Variants in CDH13 observed in about 807,000 individuals in gnomAD.
The protein encoded by CDH13 is cadherin-13.
In CDH13, 24 loss-of-function variants were observed where a neutral mutation model predicts 63.8. The observed-to-expected ratio is 0.38, with a 90% CI of 0.27 to 0.53. CDH13 has a LOEUF of 0.53. CDH13 is among the 20% of genes least tolerant of loss of function. The pLI, the probability that CDH13 is intolerant of heterozygous loss-of-function variation, is 0.85. For missense variants in CDH13, 1,049 were observed against 903.1 expected (o/e 1.16, Z -2.07); for synonymous variants, 503 against 355.3 (o/e 1.42, Z -4.67).
intron 6 of CDH13, among the ~76,000 whole-genome samples, chr16:83,478,143 G>A (rs553053140): frequency 6.7e-6 from 1 of 149,056 alleles, no homozygotes; most frequent in East Asian, 2.0e-4. Flanking sequence ...CTGGGCAACA[G>A]AGCAAGACTC....
chr16:83,062,540 G>A (rs563948333), intron 3 of CDH13, among the ~76,000 whole-genome samples: 2 of 152,322 alleles, frequency 1.3e-5, no homozygotes, highest in Admixed American at 1.3e-4. Flanking sequence ...CAGAGTGACA[G>A]AGGATGGAAG....
chr16:82,886,856 C>T (rs918660), intron 2 of CDH13, among the ~76,000 whole-genome samples: 112,164 of 152,050 alleles, frequency 0.74, 41,713 homozygotes, highest in East Asian at 0.89. Flanking sequence ...ATTTTATCTC[C>T]GTGATGTTTT....
intron 3 of CDH13, among the ~76,000 whole-genome samples, chr16:83,102,671 G>T (rs1447031348): frequency 6.6e-6 from 1 of 152,270 alleles, no homozygotes. Context: ...TGAGGAAGAG[G>T]ATGTAGAGGT....
At position 83,794,626 on chromosome 16, in the gene CDH13, C is replaced by CATATATATAT. The variant is rs34550866; in HGVS notation, c.2135-389_2135-380dup. ...CTGTGACTTGTGATCCTTAAGTCAA[C>CATATATATAT]ATATATATATATATATAGTCACAGG... On this transcript the variant is annotated intron_variant, in intron 13 of 13. Transcript: ENST00000567109. Among the ~76,000 whole-genome samples the CATATATATAT allele has an allele frequency of 4.3e-3, 635 of 149,170 alleles. 4 individuals are homozygous for CATATATATAT. The highest frequency in any genetic ancestry group is 3.6e-3 in the Non-Finnish European group (244 of 67,240).
chr16:82,731,940 G>C (rs1436756074), intron 1 of CDH13, among the ~76,000 whole-genome samples: 1 of 152,084 alleles, frequency 6.6e-6, no homozygotes, highest in Non-Finnish European at 1.5e-5. Context: ...CCAGGCCTTT[G>C]AGTGGTTCCT....
At chr16:83,292,603 A>G (rs183425906) in intron 5 of CDH13, among the ~76,000 whole-genome samples, 16 of 152,244 alleles carry the variant, frequency 1.1e-4, no homozygotes, top group Admixed American at 3.3e-4. Flanking sequence ...CCTCTCCCAG[A>G]TGAGGCCCAT....
rs940737654 is a variant in CDH13 at position 83,172,084 on chromosome 16, G to A, written c.484-45261G>A. On this transcript the variant is annotated intron_variant, in intron 4 of 13. Transcript: ENST00000567109. ...TACTTGGACATAGGATCTTTACAGA[G>A]GTAATCATGTTAAACTGAGGTCATT... Among the ~76,000 whole-genome samples the A allele has an allele frequency of 6.2e-4, 94 of 152,056 alleles. 1 individual carries two copies. The highest frequency in any genetic ancestry group is 7.2e-5 in the African/African-American group (3 of 41,428).
chr16:83,783,403 T>G lies in CDH13; in HGVS notation c.2065T>G (p.Cys689Gly). 1 of 1,614,002 alleles carries G rather than the reference T, an allele frequency of 6.2e-7. No individual in the cohort carries two copies. The highest frequency in any genetic ancestry group is 2.2e-5 in the East Asian group (1 of 44,872). Residue 689 changes from cysteine to glycine, a missense_variant, in exon 13 of 14, where the codon TGC (cysteine) becomes GGC (glycine). Physicochemically the swap from Cys to Gly is radical, Grantham distance 159. Coordinates refer to ENST00000567109, the MANE Select transcript of CDH13 (RefSeq NM_001257.5). ...VCSCRNSKVD[C>G]NAAGALRFSL... ...CTCCTGCAGGAATTCCAAAGTGGACTGCAACGCGGCAGGGGCCCTGCGCTT... is the reference window on the plus strand; with the variant it reads ...CTCCTGCAGGAATTCCAAAGTGGACGGCAACGCGGCAGGGGCCCTGCGCTT...
At chr16:83,016,633 C>G (rs937503247) in intron 2 of CDH13, among the ~76,000 whole-genome samples, 5 of 152,118 alleles carry the variant, frequency 3.3e-5, no homozygotes, top group African/African-American at 1.2e-4. Flanking sequence ...TGTGCATTCC[C>G]TTTAGGAAGG....
intron 10 of CDH13, among the ~76,000 whole-genome samples, chr16:83,700,490 C>G (rs142390047): frequency 6.6e-6 from 1 of 152,218 alleles, no homozygotes; most frequent in African/African-American, 2.4e-5. Context: ...GTGCCAGGCA[C>G]TGTTGTTAGG....
At chr16:83,580,210 G>C (rs1042721484) in intron 7 of CDH13, among the ~76,000 whole-genome samples, 1 of 152,116 alleles carries the variant, frequency 6.6e-6, no homozygotes, top group Non-Finnish European at 1.5e-5. Flanking sequence ...TTGGCATTGA[G>C]TGTCAGCAAG....
At chr16:83,318,085 C>T (rs1194754149) in intron 5 of CDH13, among the ~76,000 whole-genome samples, 1 of 152,140 alleles carries the variant, frequency 6.6e-6, no homozygotes, top group Non-Finnish European at 1.5e-5. Context: ...TGATACCTAT[C>T]CCATAGAGTA....
At chr16:83,767,362 C>G (rs555247621) in intron 11 of CDH13, among the ~76,000 whole-genome samples, 113 of 152,250 alleles carry the variant, frequency 7.4e-4, no homozygotes, top group African/African-American at 2.6e-3. Flanking sequence ...GAATAAGTCT[C>G]AAGAGATCTG....
intron 1 of CDH13, among the ~76,000 whole-genome samples, chr16:82,686,660 C>A (rs771511814): frequency 6.6e-6 from 1 of 152,182 alleles, no homozygotes; most frequent in African/African-American, 2.4e-5. Context: ...TTATGATTCC[C>A]GGAGATAACG....
rs1179593024 is a variant in CDH13, at chr16:83,022,480, T to C, written c.158-9530T>C. Among the ~76,000 whole-genome samples, 4 of 152,294 alleles carry C rather than the reference T, an allele frequency of 2.6e-5. No homozygotes were observed. In the East Asian group the frequency reaches 5.8e-4, roughly 22 times the overall value. On this transcript the variant is annotated intron_variant, in intron 2 of 13. Transcript: ENST00000567109. ...AGTTGCAAGCCAACTGAAGGCACAT[T>C]GGTACCTTGAAATAAACAACGTGTA...
chr16:83,428,496 C>T (rs963685296), intron 6 of CDH13, among the ~76,000 whole-genome samples: 1 of 151,956 alleles, frequency 6.6e-6, no homozygotes, highest in Admixed American at 6.6e-5. Context: ...GAAAAAAGTG[C>T]TTCGTGGCAT....
chr16:82,908,203 T>C (rs138772965), intron 2 of CDH13, among the ~76,000 whole-genome samples: 1 of 152,142 alleles, frequency 6.6e-6, no homozygotes, highest in Non-Finnish European at 1.5e-5. Flanking sequence ...ACCTTGACAT[T>C]CCACAGGATA....
At chr16:83,002,446 C>T (rs1218812670) in intron 2 of CDH13, among the ~76,000 whole-genome samples, 1 of 152,176 alleles carries the variant, frequency 6.6e-6, no homozygotes, top group Non-Finnish European at 1.5e-5. Flanking sequence ...CTTGATTTTG[C>T]AGCTTCCAGA....
intron 5 of CDH13, among the ~76,000 whole-genome samples, chr16:83,324,549 A>T (rs1179376460): frequency 6.6e-6 from 1 of 152,216 alleles, no homozygotes; most frequent in African/African-American, 2.4e-5. Flanking sequence ...GATGTTTTCC[A>T]GGTTCCCCCA....
Sources: allele counts gnomAD v4.1 joint callset (sites outside exome capture counted in the v4.1 genomes callset), GRCh38; gene constraint gnomAD v4.1.1; transcripts MANE v1.5; gene names NCBI Gene and HGNC (gene_info 2026-07-23, HGNC 2026-07-21).